MROH1: variants seen among roughly 807,000 people sequenced by gnomAD.
MROH1 encodes the protein maestro heat-like repeat-containing protein family member 1.
Under a neutral mutation model 116.5 loss-of-function variants are expected in MROH1, and 117 were observed. The observed-to-expected ratio is 1.00, with a 90% confidence interval of 0.86 to 1.17. The LOEUF is 1.17. Ranked by LOEUF, MROH1 falls within the 50% of genes most tolerant of loss-of-function variation. MROH1 has a pLI of 0.00. For missense variants in MROH1, 1,873 were observed against 1,338.5 expected, an observed-to-expected ratio of 1.40 and a Z score of -6.23; for synonymous variants, 921 against 583.9, an observed-to-expected ratio of 1.58 and a Z score of -8.32.
At chr8:144,190,641 T>G (rs1828331003) in intron 7 of MROH1, 143 bp from the exon 8 acceptor site, 2 of 929,826 alleles carry the variant, frequency 2.2e-6, no homozygotes, top group South Asian at 3.4e-5. Flanking sequence ...TGTGTAGTCC[T>G]GGAGTTGTGT....
At chr8:144,248,158 G>C in intron 31 of MROH1, among the ~76,000 whole-genome samples, 1 of 152,208 alleles carries the variant, frequency 6.6e-6, no homozygotes, top group East Asian at 1.9e-4. Flanking sequence ...CTTGGTTCCA[G>C]CTGGTCAAGG....
chr8:144,195,735 C>T (rs904272795), intron 10 of MROH1, among the ~76,000 whole-genome samples: 1 of 151,926 alleles, frequency 6.6e-6, no homozygotes, highest in Non-Finnish European at 1.5e-5. Context: ...GACAGGGTCT[C>T]GCTTTGTCAC....
chr8:144,188,071 C>T (rs1827646832), intron 7 of MROH1, among the ~76,000 whole-genome samples: 1 of 152,148 alleles, frequency 6.6e-6, no homozygotes, highest in Admixed American at 6.5e-5. Flanking sequence ...CTGTCGGGAG[C>T]ACCTGCACCC....
Position 144,190,949 on chromosome 8 carries a change from C to T in MROH1, c.714+14C>T. 1 of 1,611,464 alleles carries T rather than the reference C, an allele frequency of 6.2e-7. No individual in the cohort carries two copies. The highest frequency in any genetic ancestry group is 8.5e-7 in the Non-Finnish European group (1 of 1,179,026). ...CGAGAAGCCAAGGTATGCCCCGTGG[C>T]TGCATCAGTCCACGCCTGATGCCAG... On this transcript the variant is annotated intron_variant, in intron 8 of 43. Coordinates refer to ENST00000326134, the MANE Select transcript of MROH1 (RefSeq NM_032450.3).
intron 15 of MROH1, 37 bp from the exon 16 acceptor site, chr8:144,238,998 T>A: frequency 1.3e-6 from 1 of 775,290 alleles, no homozygotes; most frequent in Non-Finnish European, 2.4e-6. Flanking sequence ...GGGACCGCCC[T>A]CTGGGCGGAT....
At chr8:144,181,194 G>A (rs909583018) in intron 7 of MROH1, among the ~76,000 whole-genome samples, 6 of 146,336 alleles carry the variant, frequency 4.1e-5, no homozygotes, top group Non-Finnish European at 7.4e-5. Flanking sequence ...CAGGACCCTC[G>A]TGCCCAGGGG....
intron 1 of MROH1, among the ~76,000 whole-genome samples, chr8:144,156,193 C>G (rs910968203): frequency 6.8e-6 from 1 of 147,212 alleles, no homozygotes; most frequent in Non-Finnish European, 1.5e-5. Context: ...GCCGAGACTG[C>G]GCCATTGCAC....
chr8:144,261,598 C>A (rs782310694), intron 43 of MROH1, 57 bp from the exon 44 acceptor site: 25,337 of 701,082 alleles, frequency 0.036, 582 homozygotes, highest in African/African-American at 0.075. Context: ...GGCCCACGCG[C>A]AGGCATGGGC....
At chr8:144,194,212 A>G (rs991588191) in intron 10 of MROH1, among the ~76,000 whole-genome samples, 4 of 151,232 alleles carry the variant, frequency 2.6e-5, no homozygotes, top group African/African-American at 9.7e-5. Flanking sequence ...ACAGGCACGC[A>G]CCACCACGCC....
At chr8:144,175,663 C>A in intron 4 of MROH1, 1 of 550,098 alleles carries the variant, frequency 1.8e-6, no homozygotes, top group Non-Finnish European at 2.3e-6. Context: ...AGGGCACACG[C>A]CTGTAATCCC....
chr8:144,207,659 C>A (rs916560818), intron 12 of MROH1, among the ~76,000 whole-genome samples: 1 of 152,094 alleles, frequency 6.6e-6, no homozygotes, highest in African/African-American at 2.4e-5. Context: ...GAGTGCACTA[C>A]CATGCCCAGC....
Position 144,260,034 on chromosome 8 carries a change from C to T in MROH1, c.4168C>T (p.Leu1390=). ...GCTGGTGCTCCGCGGCCTGGCCAAC[C>T]TGGCCTCCGGCTGCCCTGACAAGGT... The part of the protein sequence containing the change: ...RRLVLRGLAN[L]ASGCPDKVRT... The change falls in exon 38 of 44, where the codon CTG becomes TTG. Residue 1390 remains leucine (L), a synonymous_variant. Coordinates refer to ENST00000326134, the MANE Select transcript of MROH1 (RefSeq NM_032450.3). 1.1e-5 allele frequency: 8 copies of T among 725,132 alleles called. No individual in the cohort carries two copies. Among genetic ancestry groups the T allele is most frequent in the Non-Finnish European group, 2.0e-5 (8 of 397,402 alleles). The allele number at this position is 725,132 out of a possible 1,614,324, so 44.9% of individuals were successfully genotyped here.
At chr8:144,248,469 AG>A (rs1396923756) in intron 31 of MROH1, among the ~76,000 whole-genome samples, 4 of 152,156 alleles carry the variant, frequency 2.6e-5, no homozygotes, top group Admixed American at 2.0e-4. Context: ...GTAGGTCACC[AG>A]GGCCTTTTCT....
intron 12 of MROH1, among the ~76,000 whole-genome samples, chr8:144,211,313 A>G (rs990401267): frequency 6.6e-6 from 1 of 152,178 alleles, no homozygotes; most frequent in Admixed American, 6.6e-5. Flanking sequence ...TTAATTAATT[A>G]ATTGGTGGGA....
At chr8:144,158,991 G>T (rs1043653997) in intron 1 of MROH1, among the ~76,000 whole-genome samples, 2 of 151,964 alleles carry the variant, frequency 1.3e-5, no homozygotes, top group African/African-American at 4.8e-5. Flanking sequence ...AAACTGCCTC[G>T]TAGCCTCCCA....
chr8:144,245,711 G>A (rs1298353675), intron 29 of MROH1, among the ~76,000 whole-genome samples: 1 of 152,118 alleles, frequency 6.6e-6, no homozygotes, highest in Non-Finnish European at 1.5e-5. Context: ...CCAGGCTGGA[G>A]TGCAATGGTG....
At chr8:144,191,947 G>T in intron 9 of MROH1, 92 bp downstream of exon 9, 2 of 1,446,052 alleles carry the variant, frequency 1.4e-6, no homozygotes, top group South Asian at 2.5e-5. Flanking sequence ...AGGGCTCAGT[G>T]GTGGGTGGGG....
intron 12 of MROH1, 48 bp downstream of exon 12, chr8:144,200,589 GAT>G: frequency 7.7e-7 from 1 of 1,299,196 alleles, no homozygotes; most frequent in Non-Finnish European, 1.1e-6. Flanking sequence ...CCATGTCCAG[GAT>G]GGAGCAGGTC....
intron 13 of MROH1, among the ~76,000 whole-genome samples, chr8:144,221,200 G>A (rs538907283): frequency 7.2e-5 from 11 of 152,300 alleles, no homozygotes; most frequent in African/African-American, 2.4e-4. Context: ...CCCGGTTGGC[G>A]CCCTCGTGGC....
Sources: gnomAD v4.1 joint callset for allele counts (sites outside exome capture counted in the v4.1 genomes callset) on GRCh38, gnomAD v4.1.1 for gene constraint, MANE v1.5 for transcripts, NCBI Gene and HGNC (gene_info 2026-07-23, HGNC 2026-07-21) for gene names.